The following CAMK2D variants were observed in gnomAD, a reference collection of about 807,000 sequenced individuals.
CAMK2D encodes the protein calcium/calmodulin-dependent protein kinase type II subunit delta.
Under a neutral mutation model 84.0 loss-of-function variants are expected in CAMK2D, and 37 were observed. The ratio of observed to expected loss-of-function variants is 0.44; its 90% CI spans 0.34 to 0.58. The LOEUF (loss-of-function observed/expected upper bound fraction) is 0.58, where lower values mean the gene tolerates loss of function less well. Ranked by LOEUF, CAMK2D falls within the 20% of genes least tolerant of loss-of-function variation. The probability of loss-of-function intolerance (pLI) is 0.02; values close to 1 mark genes in which losing one functional copy is unlikely to be tolerated. For synonymous variants in CAMK2D, 202 were observed against 212.5 expected, an observed-to-expected ratio of 0.95 and a Z score of 0.43; for missense variants, 448 against 652.5, an observed-to-expected ratio of 0.69 and a Z score of 3.41.
chr4:113,558,984 A>C (rs998683929), intron 4 of CAMK2D, among the ~76,000 whole-genome samples: 7 of 152,200 alleles, frequency 4.6e-5, no homozygotes, highest in Admixed American at 6.5e-5. Context: ...CCTGTCTCAA[A>C]AATAAATAAA....
intron 3 of CAMK2D, among the ~76,000 whole-genome samples, chr4:113,641,145 G>T (rs2099130894): frequency 1.3e-5 from 2 of 152,138 alleles, no homozygotes; most frequent in Non-Finnish European, 2.9e-5. Flanking sequence ...ACCTTCTAGT[G>T]CTTTATTTAA....
chr4:113,577,197 G>T (rs1490632995), intron 4 of CAMK2D, among the ~76,000 whole-genome samples: 2 of 152,144 alleles, frequency 1.3e-5, no homozygotes, highest in African/African-American at 4.8e-5. Context: ...GATGCGTAAA[G>T]AATTCTTTCC....
intron 2 of CAMK2D, among the ~76,000 whole-genome samples, chr4:113,729,504 A>C (rs749178616): frequency 6.7e-6 from 1 of 150,150 alleles, no homozygotes; most frequent in Admixed American, 6.6e-5. Flanking sequence ...CTTTTGCCTC[A>C]CGTGCTCTTT....
chr4:113,453,209 C>T lies in CAMK2D; in HGVS notation c.*1336G>A, dbSNP rs2097269919. The T allele has an allele frequency of 6.6e-6, 1 of 152,140 alleles. No homozygotes were observed. Among genetic ancestry groups the T allele is most frequent in the Non-Finnish European group, 1.5e-5 (1 of 68,020 alleles). 9.4% of individuals were successfully genotyped at this position (152,140 alleles called of 1,614,324 possible). A position where few individuals can be genotyped will look rare whatever the true frequency, so the allele number is the denominator to read the frequency against. ...AACTCCTTGGAGGAAGACAATGATA[C>T]TCTGATTCAAGAGAGAAGCTAAAAA... On this transcript the variant is annotated 3_prime_UTR_variant, in exon 21 of 21. Coordinates refer to ENST00000511664, the MANE Select transcript of CAMK2D (RefSeq NM_001321571.2).
chr4:113,592,000 T>C (rs920110582), intron 4 of CAMK2D, among the ~76,000 whole-genome samples: 1 of 152,220 alleles, frequency 6.6e-6, no homozygotes, highest in African/African-American at 2.4e-5. Flanking sequence ...GGTTTACCTC[T>C]AGTACTTAGC....
chr4:113,709,059 C>T (rs1328961110), intron 2 of CAMK2D, among the ~76,000 whole-genome samples: 1 of 151,988 alleles, frequency 6.6e-6, no homozygotes, highest in African/African-American at 2.4e-5. Context: ...TTTAATGGAA[C>T]TAAACTATGT....
chr4:113,652,647 T>C (rs1561613269), intron 3 of CAMK2D, among the ~76,000 whole-genome samples: 1 of 152,156 alleles, frequency 6.6e-6, no homozygotes, highest in Non-Finnish European at 1.5e-5. Flanking sequence ...ATTATTTTTC[T>C]TTCAAATTTC....
intron 3 of CAMK2D, among the ~76,000 whole-genome samples, chr4:113,659,181 T>C (rs561089572): frequency 6.5e-4 from 99 of 152,264 alleles, no homozygotes; most frequent in Admixed American, 1.2e-3. Flanking sequence ...TCCACAAAAA[T>C]TGAGTTTCAT....
intron 4 of CAMK2D, among the ~76,000 whole-genome samples, chr4:113,557,805 G>A (rs1470647310): frequency 6.6e-6 from 1 of 152,130 alleles, no homozygotes; most frequent in African/African-American, 2.4e-5. Context: ...CGTATATTAT[G>A]AGCATGGATG....
intron 5 of CAMK2D, among the ~76,000 whole-genome samples, chr4:113,548,259 C>T (rs765091685): frequency 1.3e-5 from 2 of 152,166 alleles, no homozygotes; most frequent in Non-Finnish European, 2.9e-5. Flanking sequence ...TGGAGCAATG[C>T]GTAACCAGTT....
intron 19 of CAMK2D, chr4:113,457,121 T>C (rs879329154): frequency 1.7e-5 from 21 of 1,246,046 alleles, no homozygotes; most frequent in Admixed American, 3.0e-5. Flanking sequence ...AAACCTATCA[T>C]ATACTGCTCT....
At chr4:113,674,612 C>T (rs2099310678) in intron 2 of CAMK2D, among the ~76,000 whole-genome samples, 1 of 152,062 alleles carries the variant, frequency 6.6e-6, no homozygotes, top group Non-Finnish European at 1.5e-5. Context: ...CAGACAAAAA[C>T]CTGTCCAGGC....
intron 2 of CAMK2D, among the ~76,000 whole-genome samples, chr4:113,723,587 G>A (rs956198238): frequency 2.6e-5 from 4 of 152,106 alleles, no homozygotes; most frequent in African/African-American, 9.7e-5. Flanking sequence ...GAGGTTTCAC[G>A]CTATACTCCT....
chr4:113,747,253 C>T (rs572486811), intron 2 of CAMK2D, among the ~76,000 whole-genome samples: 4 of 150,582 alleles, frequency 2.7e-5, no homozygotes, highest in East Asian at 1.9e-4. Context: ...CTACTACCAG[C>T]TTATGCCAAA....
At chr4:113,502,906 A>C (rs749581990) in intron 15 of CAMK2D, 30 bp downstream of exon 15, 1 of 1,507,406 alleles carries the variant, frequency 6.6e-7, no homozygotes, top group Non-Finnish European at 9.2e-7. Flanking sequence ...GTCTTGTTAA[A>C]GCAAGATGAT....
intron 4 of CAMK2D, among the ~76,000 whole-genome samples, chr4:113,572,380 AG>A (rs2098757692): frequency 6.6e-6 from 1 of 152,156 alleles, no homozygotes; most frequent in Non-Finnish European, 1.5e-5. Context: ...TCTCATACAC[AG>A]GAAAGGATGC....
At chr4:113,736,145 A>AG (rs1593854760) in intron 2 of CAMK2D, among the ~76,000 whole-genome samples, 1 of 150,858 alleles carries the variant, frequency 6.6e-6, no homozygotes, top group East Asian at 1.9e-4. Flanking sequence ...AAAAAAAAAA[A>AG]CAACACCCAG....
chr4:113,464,404 G>T (rs967778632), intron 17 of CAMK2D, among the ~76,000 whole-genome samples: 3 of 152,110 alleles, frequency 2.0e-5, no homozygotes, highest in East Asian at 1.9e-4. Flanking sequence ...TTTATTCTTG[G>T]TTTTTTAATT....
At chr4:113,668,006 AT>A (rs756099200) in intron 2 of CAMK2D, among the ~76,000 whole-genome samples, 1 of 152,186 alleles carries the variant, frequency 6.6e-6, no homozygotes, top group African/African-American at 2.4e-5. Flanking sequence ...TTGAAAGTCT[AT>A]TCTGTGCTGG....
Sources: allele counts gnomAD v4.1 joint callset (sites outside exome capture counted in the v4.1 genomes callset), GRCh38; gene constraint gnomAD v4.1.1; transcripts MANE v1.5; gene names NCBI Gene and HGNC (gene_info 2026-07-23, HGNC 2026-07-21).